The following SYCP2L variants were observed in gnomAD, a reference collection of about 807,000 sequenced individuals.
SYCP2L encodes the protein synaptonemal complex protein 2-like.
Under a neutral mutation model 125.8 loss-of-function variants are expected in SYCP2L, and 98 were observed. The observed-to-expected ratio is 0.78, with a 90% CI of 0.66 to 0.92. The LOEUF is 0.92. Ranked by LOEUF, SYCP2L falls within the 40% of genes least tolerant of loss-of-function variation. The pLI is 0.00. For missense variants in SYCP2L, 842 were observed against 936.4 expected, an observed-to-expected ratio of 0.90 and a Z score of 1.32; for synonymous variants, 317 against 325.4, an observed-to-expected ratio of 0.97 and a Z score of 0.28.
At chr6:10,920,668 G>A (rs1335499369) in intron 14 of SYCP2L, among the ~76,000 whole-genome samples, 1 of 151,574 alleles carries the variant, frequency 6.6e-6, no homozygotes. Context: ...GGATGTACAG[G>A]TTTGTTACAT....
rs765976799 is a variant in SYCP2L, at chr6:10,930,424, A to C, written c.1543A>C (p.Ser515Arg). 1 of 1,613,772 alleles carries C rather than the reference A, an allele frequency of 6.2e-7. No individual in the cohort carries two copies. The highest frequency in any genetic ancestry group is 1.7e-5 in the Admixed American group (1 of 59,994). The stretch of plus-strand genomic sequence containing the variant: ...TGAGAGTAATCAAGATTCAAGTACC[A>C]GTGAACTATCTTGGACCAGTAACCA... ...FSESNQDSSTSELSWTSNQKK... is the reference protein window; with the variant it reads ...FSESNQDSSTRELSWTSNQKK... The change falls in exon 19 of 30, where the codon AGT becomes CGT. Residue 515 changes from serine (S) to arginine (R), a missense_variant. Coordinates refer to ENST00000283141, the MANE Select transcript of SYCP2L (RefSeq NM_001040274.3).
At chr6:10,910,550 A>G (rs996483530) in intron 11 of SYCP2L, among the ~76,000 whole-genome samples, 2 of 152,184 alleles carry the variant, frequency 1.3e-5, no homozygotes, top group Non-Finnish European at 2.9e-5. Context: ...CCTTGGTCAG[A>G]CAATATTTGC....
At chr6:10,969,649 C>T (rs1287458617) in intron 29 of SYCP2L, among the ~76,000 whole-genome samples, 3 of 152,018 alleles carry the variant, frequency 2.0e-5, no homozygotes, top group African/African-American at 4.8e-5. Flanking sequence ...CAGGTGTGAG[C>T]CACCGCGCCT....
In SYCP2L at chr6:10,931,054, C is replaced by A. The variant is rs180754818; in HGVS notation, c.1634-386C>A. ...GGCATGGTGGTGTGCGCCTGTGGTC[C>A]CAGCTACTGGGGAGGCTGAGGCAGG... On this transcript the variant is annotated intron_variant, in intron 19 of 29. Transcript: ENST00000283141. Among the ~76,000 whole-genome samples the A allele has an allele frequency of 8.5e-5, 13 of 152,264 alleles. No individual in the cohort carries two copies. In the East Asian group the frequency reaches 2.3e-3, roughly 27 times the overall value.
At chr6:10,918,076 A>G (rs1780720990) in intron 14 of SYCP2L, among the ~76,000 whole-genome samples, 2 of 151,456 alleles carry the variant, frequency 1.3e-5, no homozygotes, top group Admixed American at 1.3e-4. Flanking sequence ...TGCTCTCAAG[A>G]TTCTTTCCTT....
At chr6:10,899,541 G>A (rs1217784353) in intron 6 of SYCP2L, among the ~76,000 whole-genome samples, 2 of 152,048 alleles carry the variant, frequency 1.3e-5, no homozygotes, top group African/African-American at 4.8e-5. Flanking sequence ...GCGTGATCCT[G>A]TCTCAAAAAA....
chr6:10,914,989 G>T (rs892409339), intron 14 of SYCP2L, among the ~76,000 whole-genome samples: 2 of 151,904 alleles, frequency 1.3e-5, no homozygotes, highest in South Asian at 4.2e-4. Context: ...CAGGTGATCC[G>T]CCCAACTCAG....
At chr6:10,970,829 A>G (rs1441530360) in intron 29 of SYCP2L, among the ~76,000 whole-genome samples, 1 of 152,146 alleles carries the variant, frequency 6.6e-6, no homozygotes, top group African/African-American at 2.4e-5. Flanking sequence ...CTAGGGACTC[A>G]GTATAGAGAG....
chr6:10,891,838 A>G lies in SYCP2L; in HGVS notation c.78+257A>G, dbSNP rs958795105. ...CAATTTACCATTAGCTATCTTACCAATATCCTAGTCTAAACTATCTTGTGC... is the reference window on the plus strand; with the variant it reads ...CAATTTACCATTAGCTATCTTACCAGTATCCTAGTCTAAACTATCTTGTGC... On this transcript the variant is annotated intron_variant, in intron 2 of 29. Coordinates refer to ENST00000283141, the MANE Select transcript of SYCP2L (RefSeq NM_001040274.3). 4.8e-4 allele frequency among the ~76,000 whole-genome samples: 73 copies of G among 152,304 alleles called. 2 individuals are homozygous for G. The highest frequency in any genetic ancestry group is 3.4e-3 in the Middle Eastern group (1 of 294).
chr6:10,942,010 T>C (rs1781231159), intron 21 of SYCP2L, among the ~76,000 whole-genome samples: 1 of 151,842 alleles, frequency 6.6e-6, no homozygotes, highest in Non-Finnish European at 1.5e-5. Context: ...TGTAGGGACA[T>C]GGATGAAGCT....
rs200296241 is a variant in SYCP2L at position 10,926,480 on chromosome 6, C to T, written c.1312+48C>T. 2,511 of 1,449,484 alleles carry T rather than the reference C, an allele frequency of 1.7e-3. 3 individuals are homozygous for T. The highest frequency in any genetic ancestry group is 2.3e-3 in the Non-Finnish European group (2,353 of 1,035,244). The allele number at this position is 1,449,484 out of a possible 1,614,324, so 89.8% of individuals were successfully genotyped here. The stretch of plus-strand genomic sequence containing the variant: ...TCTGACCCTGAGTTTTCTGTAAAAG[C>T]GATGAAACCTTAGTTGGAAGAGGTC... On this transcript the variant is annotated intron_variant, in intron 16 of 29. Coordinates refer to ENST00000283141, the MANE Select transcript of SYCP2L (RefSeq NM_001040274.3).
chr6:10,892,156 T>A (rs1400054429), intron 2 of SYCP2L, among the ~76,000 whole-genome samples: 1 of 152,188 alleles, frequency 6.6e-6, no homozygotes, highest in Non-Finnish European at 1.5e-5. Context: ...AACAGCCAGT[T>A]CAAAGGCCCC....
chr6:10,942,504 A>G lies in SYCP2L; in HGVS notation c.1859A>G (p.His620Arg), dbSNP rs1038518892. The change falls in exon 22 of 30, where the codon CAC becomes CGC. Residue 620 changes from histidine (H) to arginine (R), a missense_variant. Coordinates refer to ENST00000283141, the MANE Select transcript of SYCP2L (RefSeq NM_001040274.3). ...CTGAGTGAGCTCTCTTCCTTGAAGC[A>G]CTCAGAAGATGAAGAAAAACCTAAG... ...HSLSELSSLK[H>R]SEDEEKPKIV... The G allele has an allele frequency of 1.3e-5, 21 of 1,603,452 alleles. No homozygotes were observed. Among genetic ancestry groups the G allele is most frequent in the Non-Finnish European group, 1.7e-5 (20 of 1,176,704 alleles).
chr6:10,974,169 A>C lies in SYCP2L; in HGVS notation c.*255A>C, dbSNP rs886613629. 6.6e-6 allele frequency: 1 copy of C among 152,168 alleles called. No individual in the cohort carries two copies. Among genetic ancestry groups the C allele is most frequent in the East Asian group, 1.9e-4 (1 of 5,194 alleles). 9.4% of individuals were successfully genotyped at this position (152,168 alleles called of 1,614,324 possible). On this transcript the variant is annotated 3_prime_UTR_variant, in exon 30 of 30. Transcript: ENST00000283141. The stretch of plus-strand genomic sequence containing the variant: ...CTTTTGTATTAAAATTTGGTCAGAT[A>C]GTATTAATAGAAAGTTCAGGATGTT...
At chr6:10,922,887 AT>A in intron 14 of SYCP2L, 2 of 152,320 alleles carry the variant, frequency 1.3e-5, no homozygotes, top group East Asian at 3.9e-4. Flanking sequence ...AAGTAGATTA[AT>A]TTTATTAATA....
intron 24 of SYCP2L, among the ~76,000 whole-genome samples, chr6:10,955,683 C>T (rs1347694001): frequency 1.3e-5 from 2 of 152,270 alleles, no homozygotes; most frequent in East Asian, 3.9e-4. Context: ...GATTTGAATC[C>T]AGGAGCTGCT....
intron 11 of SYCP2L, 42 bp from the exon 12 acceptor site, chr6:10,910,782 T>C: frequency 6.2e-7 from 1 of 1,604,860 alleles, no homozygotes; most frequent in Non-Finnish European, 8.5e-7. Context: ...GTGTTTAAGA[T>C]TCATTCATGT....
intron 6 of SYCP2L, among the ~76,000 whole-genome samples, chr6:10,901,360 C>G (rs553876665): frequency 1.1e-4 from 17 of 152,268 alleles, no homozygotes; most frequent in Admixed American, 7.8e-4. Context: ...ATATTACTCT[C>G]ACTTTGCAGT....
intron 10 of SYCP2L, among the ~76,000 whole-genome samples, chr6:10,909,943 G>A (rs570954826): frequency 9.2e-5 from 14 of 152,258 alleles, no homozygotes; most frequent in South Asian, 2.1e-4. Context: ...GGGAGCAAAG[G>A]TTCCTTCTGG....
Sources: gnomAD v4.1 joint callset for allele counts (sites outside exome capture counted in the v4.1 genomes callset) on GRCh38, gnomAD v4.1.1 for gene constraint, MANE v1.5 for transcripts, NCBI Gene and HGNC (gene_info 2026-07-23, HGNC 2026-07-21) for gene names.